The following NPR1 variants were observed in gnomAD, a reference collection of about 807,000 sequenced individuals.
NPR1 encodes the protein natriuretic peptide receptor 1, also known as atrial natriuretic peptide receptor 1.
NPR1 carries 57 observed loss-of-function variants against 116.9 expected under a neutral mutation model. The ratio of observed to expected loss-of-function variants is 0.49; its 90% CI spans 0.39 to 0.61. The LOEUF (loss-of-function observed/expected upper bound fraction) is 0.61, where lower values mean the gene tolerates loss of function less well. Ranked by LOEUF, NPR1 falls within the 20% of genes least tolerant of loss-of-function variation. The pLI is 0.00. For missense variants in NPR1, 1,096 were observed against 1,409.8 expected (o/e 0.78, Z 3.56); for synonymous variants, 555 against 601.6 (o/e 0.92, Z 1.13).
intron 11 of NPR1, 119 bp from the exon 12 acceptor site, chr1:153,686,897 C>G: frequency 7.8e-7 from 1 of 1,282,644 alleles, no homozygotes; most frequent in Non-Finnish European, 1.1e-6. Flanking sequence ...GGCAGTGGCA[C>G]TAGAGTCAAT....
At chr1:153,692,386 T>C (rs1380872980) in intron 20 of NPR1, among the ~76,000 whole-genome samples, 1 of 146,492 alleles carries the variant, frequency 6.8e-6, no homozygotes, top group African/African-American at 2.5e-5. Flanking sequence ...CAGAGAGTGC[T>C]GTCCAACAGG....
At chr1:153,682,191 A>T (rs1483031374) in intron 4 of NPR1, among the ~76,000 whole-genome samples, 1 of 151,776 alleles carries the variant, frequency 6.6e-6, no homozygotes. Flanking sequence ...AGTAGCTGGG[A>T]TTACAGGTGC....
rs780886439 is a variant in NPR1, at chr1:153,683,512, G to GTGAC, written c.1399+4_1399+7dup. On this transcript the variant is annotated splice_donor_variant, in intron 6 of 21. Transcript: ENST00000368680. LOFTEE classifies it high-confidence loss of function. Reference sequence around the variant, plus strand: ...AACGAAGACCCAGCATGCAACCAAGGTGACTGCCCCTTGCCTTCCAGGCCT... The same window carrying GTGAC: ...AACGAAGACCCAGCATGCAACCAAGGTGACTGACTGCCCCTTGCCTTCCAGGCCT... 6.8e-6 allele frequency: 11 copies of GTGAC among 1,613,986 alleles called. No homozygotes were observed. Among genetic ancestry groups the GTGAC allele is most frequent in the Non-Finnish European group, 8.5e-6 (10 of 1,179,988 alleles).
At chr1:153,690,250 T>C in intron 19 of NPR1, 34 bp from the exon 20 acceptor site, 1 of 1,519,712 alleles carries the variant, frequency 6.6e-7, no homozygotes, top group Non-Finnish European at 8.9e-7. Flanking sequence ...CCTCACTCGC[T>C]GATGGGCTCT....
At chr1:153,684,745 C>T (rs566001849) in intron 7 of NPR1, among the ~76,000 whole-genome samples, 17 of 152,234 alleles carry the variant, frequency 1.1e-4, no homozygotes, top group African/African-American at 4.1e-4. Context: ...ATAGATATTG[C>T]GGCCTCATTC....
chr1:153,685,581 C>G (rs891929688), intron 8 of NPR1, among the ~76,000 whole-genome samples: 1 of 152,072 alleles, frequency 6.6e-6, no homozygotes, highest in Non-Finnish European at 1.5e-5. Flanking sequence ...AAAGGATCAT[C>G]TGAGCCCAGG....
intron 6 of NPR1, 61 bp from the exon 7 acceptor site, chr1:153,683,679 G>C: frequency 6.3e-7 from 1 of 1,575,910 alleles, no homozygotes; most frequent in Non-Finnish European, 8.7e-7. Context: ...CTATTAGAAA[G>C]TTCTTCCTCC....
In NPR1 at chr1:153,683,468, C is replaced by T. The variant is rs868808483; in HGVS notation, c.1356C>T (p.Ile452=). 6.2e-7 allele frequency: 1 copy of T among 1,614,082 alleles called. No homozygotes were observed. Among genetic ancestry groups the T allele is most frequent in the African/African-American group, 1.3e-5 (1 of 74,934 alleles). The change falls in exon 6 of 22, where the codon ATC becomes ATT. Residue 452 remains isoleucine, a synonymous_variant. Coordinates refer to ENST00000368680, the MANE Select transcript of NPR1 (RefSeq NM_000906.4). ...NWPLGYPPPD[I]PKCGFDNEDP... is the part of the protein sequence containing the mutation. ...CCCTGGGGTACCCTCCTCCTGACAT[C>T]CCCAAATGTGGCTTTGACAACGAAG...
At position 153,678,937 on chromosome 1, in the gene NPR1, G is replaced by C; in HGVS notation, c.-172G>C. On this transcript the variant is annotated 5_prime_UTR_variant, in exon 1 of 22. Transcript: ENST00000368680. This position sits in a 1 kb window ranked among gnomAD's most constrained non-coding sequence, Gnocchi z 5.8. ...CCTCGGTCGCGCCCCTTGCGCTCTC[G>C]GCCCAGACCGTCGCAGCTACAGGGG... The C allele has an allele frequency of 1.1e-6, 1 of 904,348 alleles. No homozygotes were observed. The highest frequency in any genetic ancestry group is 1.5e-6 in the Non-Finnish European group (1 of 657,598). 56.0% of individuals were successfully genotyped at this position (904,348 alleles called of 1,614,324 possible).
At position 153,681,859 on chromosome 1, in the gene NPR1, T is replaced by C. The variant is rs377107763; in HGVS notation, c.1171+20T>C. 83 of 1,612,076 alleles carry C rather than the reference T, an allele frequency of 5.1e-5. No individual in the cohort carries two copies. Among genetic ancestry groups the C allele is most frequent in the Non-Finnish European group, 6.8e-5 (80 of 1,179,076 alleles). On this transcript the variant is annotated intron_variant, in intron 4 of 21. Transcript: ENST00000368680. ...TTCAAGGTCAGGGCCTGGAGGTGGCTGGAATGGGCTGCCTTGGGGGATGAA... is the reference window on the plus strand; with the variant it reads ...TTCAAGGTCAGGGCCTGGAGGTGGCCGGAATGGGCTGCCTTGGGGGATGAA...
rs1395786205 is a variant in NPR1, at chr1:153,687,213, T to TACACAATGGGGCTATCTGTTCCC, written c.1951_1973dup (p.Gly659ThrfsTer18). Reference sequence around the variant, plus strand: ...TCACATTTCCAGGGCATGCTGTTTCTACACAATGGGGCTATCTGTTCCCAT... The same window carrying TACACAATGGGGCTATCTGTTCCC: ...TCACATTTCCAGGGCATGCTGTTTCTACACAATGGGGCTATCTGTTCCCACACAATGGGGCTATCTGTTCCCAT... On this transcript the variant is annotated frameshift_variant, in exon 13 of 22. Coordinates refer to ENST00000368680, the MANE Select transcript of NPR1 (RefSeq NM_000906.4). LOFTEE classifies it high-confidence loss of function. 6.2e-7 allele frequency: 1 copy of TACACAATGGGGCTATCTGTTCCC among 1,614,036 alleles called. No individual in the cohort carries two copies. Among genetic ancestry groups the TACACAATGGGGCTATCTGTTCCC allele is most frequent in the African/African-American group, 1.3e-5 (1 of 74,930 alleles).
rs1391511513 is a variant in NPR1, at chr1:153,688,804, C to T, written c.2418-149C>T. The T allele has an allele frequency of 1.8e-5, 16 of 891,086 alleles. No individual in the cohort carries two copies. In the African/African-American group the frequency reaches 2.2e-4, roughly 12 times the overall value. The allele number at this position is 891,086 out of a possible 1,614,324, so 55.2% of individuals were successfully genotyped here. A position where few individuals can be genotyped will look rare whatever the true frequency, so the allele number is the denominator to read the frequency against. On this transcript the variant is annotated intron_variant, in intron 15 of 21. Coordinates refer to ENST00000368680, the MANE Select transcript of NPR1 (RefSeq NM_000906.4). ...TGAACTTTCTTCCTTCTGTTTTCCC[C>T]TGCTCCCCGGTATCCTGCTATGCCC...
At position 153,686,153 on chromosome 1, in the gene NPR1, C is replaced by G; in HGVS notation, c.1711C>G (p.Arg571Gly). Residue 571 changes from arginine to glycine, a missense_variant, in exon 10 of 22, where the codon CGT (arginine) becomes GGT (glycine). Physicochemically the swap from Arg to Gly is moderately radical, Grantham distance 125 (BLOSUM62 -2). Coordinates refer to ENST00000368680, the MANE Select transcript of NPR1 (RefSeq NM_000906.4). ...CCTCGTGGCTGTGAAACGTGTGAAC[C>G]GTAAACGCATTGAGCTGACACGAAA... ...GNLVAVKRVN[R>G]KRIELTRKVL... 1 of 1,614,048 alleles carries G rather than the reference C, an allele frequency of 6.2e-7. No homozygotes were observed. Among genetic ancestry groups the G allele is most frequent in the South Asian group, 1.1e-5 (1 of 91,060 alleles).
intron 7 of NPR1, 55 bp from the exon 8 acceptor site, chr1:153,684,909 C>A: frequency 6.2e-7 from 1 of 1,607,100 alleles, no homozygotes; most frequent in Non-Finnish European, 8.5e-7. Context: ...TGCTGAGCAC[C>A]CTGCCCTGGG....
At position 153,689,167 on chromosome 1, in the gene NPR1, G is replaced by A. The variant is rs377112606; in HGVS notation, c.2565-21G>A. ...TGTCCCGACCCCCAACTCTGATCCT[G>A]CACCTGCCCTGACCCCTTAGCTCAG... On this transcript the variant is annotated intron_variant, in intron 16 of 21. Coordinates refer to ENST00000368680, the MANE Select transcript of NPR1 (RefSeq NM_000906.4). The surrounding 1 kb of genome is among the most constrained non-coding windows in gnomAD (Gnocchi z 5.1). 54 of 1,614,032 alleles carry A rather than the reference G, an allele frequency of 3.3e-5. No individual in the cohort carries two copies. The highest frequency in any genetic ancestry group is 4.2e-5 in the Non-Finnish European group (49 of 1,180,022).
intron 20 of NPR1, among the ~76,000 whole-genome samples, chr1:153,690,660 G>C (rs941055254): frequency 6.6e-6 from 1 of 151,996 alleles, no homozygotes; most frequent in Admixed American, 6.6e-5. Context: ...ACCCTCTGTG[G>C]GCCGGGCGTG....
Position 153,678,879 on chromosome 1 carries a change from C to A in NPR1, c.-230C>A. On this transcript the variant is annotated 5_prime_UTR_variant, in exon 1 of 22. Coordinates refer to ENST00000368680, the MANE Select transcript of NPR1 (RefSeq NM_000906.4). The surrounding 1 kb of genome is among the most constrained non-coding windows in gnomAD (Gnocchi z 5.8). Reference sequence around the variant, plus strand: ...CCTCTCCAGCCCGACGTTCTCCTGGCACCCACCTGCTCCGCGGCGCCCTGC... The same window carrying A: ...CCTCTCCAGCCCGACGTTCTCCTGGAACCCACCTGCTCCGCGGCGCCCTGC... 2.0e-6 allele frequency: 1 copy of A among 508,454 alleles called. No individual in the cohort carries two copies. The highest frequency in any genetic ancestry group is 3.3e-6 in the Non-Finnish European group (1 of 299,934). 31.5% of individuals were successfully genotyped at this position (508,454 alleles called of 1,614,324 possible).
intron 14 of NPR1, 74 bp from the exon 15 acceptor site, chr1:153,687,979 C>A: frequency 8.4e-7 from 1 of 1,186,536 alleles, no homozygotes; most frequent in Non-Finnish European, 1.2e-6. Context: ...CCTGCCATCT[C>A]AGCTGGTTGC....
chr1:153,685,925 G>C, intron 9 of NPR1, 45 bp downstream of exon 9: 1 of 1,566,696 alleles, frequency 6.4e-7, no homozygotes, highest in Non-Finnish European at 8.8e-7. Flanking sequence ...TGGGGCAGGA[G>C]TGTACTCTGA....
Sources: allele counts gnomAD v4.1 joint callset (sites outside exome capture counted in the v4.1 genomes callset), GRCh38; gene constraint gnomAD v4.1.1; non-coding constraint Gnocchi (gnomAD v3.1); transcripts MANE v1.5; gene names NCBI Gene and HGNC (gene_info 2026-07-23, HGNC 2026-07-21).